The following SYT10 variants were observed in gnomAD, a reference collection of about 807,000 sequenced individuals.
SYT10 encodes the protein synaptotagmin 10.
A neutral mutation model predicts 51.1 loss-of-function variants in SYT10; 31 were observed. That is an observed-to-expected ratio of 0.61 (90% CI 0.46 to 0.82). The LOEUF (loss-of-function observed/expected upper bound fraction) is 0.82, where lower values mean the gene tolerates loss of function less well. Ranked by LOEUF, SYT10 falls within the 40% of genes least tolerant of loss-of-function variation. The pLI, the probability that SYT10 is intolerant of heterozygous loss-of-function variation, is 0.00. For synonymous variants in SYT10, 233 were observed against 225.9 expected (o/e 1.03, Z -0.28); for missense variants, 603 against 634.0 (o/e 0.95, Z 0.53).
intron 3 of SYT10, chr12:33,405,407 C>T (rs937872401): frequency 3.9e-5 from 6 of 152,058 alleles, no homozygotes; most frequent in Admixed American, 2.6e-4. Flanking sequence ...ATATAATCCC[C>T]TTTCAAAATT....
chr12:33,381,878 C>A (rs1178590389), intron 5 of SYT10, among the ~76,000 whole-genome samples: 1 of 152,170 alleles, frequency 6.6e-6, no homozygotes, highest in Non-Finnish European at 1.5e-5. Context: ...ACTTTCCACT[C>A]TTACTCCTCG....
intron 2 of SYT10, among the ~76,000 whole-genome samples, chr12:33,423,677 G>A (rs181011903): frequency 2.0e-5 from 3 of 152,200 alleles, no homozygotes; most frequent in Admixed American, 2.0e-4. Context: ...TGATGAACAG[G>A]AAGATGCTGT....
At chr12:33,438,151 TC>T (rs1439527455) in intron 1 of SYT10, among the ~76,000 whole-genome samples, 1 of 152,126 alleles carries the variant, frequency 6.6e-6, no homozygotes, top group Non-Finnish European at 1.5e-5. Context: ...TGGAGAGGAT[TC>T]ACTAAGTGTG....
intron 2 of SYT10, among the ~76,000 whole-genome samples, chr12:33,423,691 T>C (rs1866525037): frequency 6.6e-6 from 1 of 152,244 alleles, no homozygotes; most frequent in South Asian, 2.1e-4. Context: ...ATGCTGTTAT[T>C]CTCCAGCCTT....
At chr12:33,389,051 T>G (rs1386995715) in intron 3 of SYT10, among the ~76,000 whole-genome samples, 1 of 152,166 alleles carries the variant, frequency 6.6e-6, no homozygotes, top group Non-Finnish European at 1.5e-5. Context: ...GCTTAAAGAA[T>G]TAACCAGATG....
chr12:33,378,814 CTGTGTGTGTGTGTGTGTGTG>C (rs56373564), intron 6 of SYT10, among the ~76,000 whole-genome samples: 1 of 145,184 alleles, frequency 6.9e-6, no homozygotes, highest in Admixed American at 6.9e-5. Flanking sequence ...GACTGGGTAT[CTGTGTGTGTGTGTGTGTGTG>C]TGTGTGTGTG....
intron 2 of SYT10, among the ~76,000 whole-genome samples, chr12:33,416,193 G>A (rs897101996): frequency 5.1e-4 from 77 of 152,226 alleles, no homozygotes; most frequent in African/African-American, 1.8e-3. Context: ...CAATTCCCTT[G>A]CCTCAGCTTC....
Position 33,393,606 on chromosome 12 carries a change from C to T in SYT10, c.1078-8315G>A, listed in dbSNP as rs150221100. On this transcript the variant is annotated intron_variant, in intron 3 of 6. Coordinates refer to ENST00000228567, the MANE Select transcript of SYT10 (RefSeq NM_198992.4). ...TCTTCTCCACGTAATAGCCACAGAT[C>T]TTATTGATTCTAAGGGAGTCTATGG... is the stretch of plus-strand genomic sequence containing the variant. 1.9e-3 allele frequency among the ~76,000 whole-genome samples: 295 copies of T among 152,198 alleles called. 1 individual carries two copies. Among genetic ancestry groups the T allele is most frequent in the African/African-American group, 6.6e-3 (274 of 41,518 alleles).
chr12:33,392,359 G>T (rs1285653867), intron 3 of SYT10, among the ~76,000 whole-genome samples: 1 of 152,174 alleles, frequency 6.6e-6, no homozygotes, highest in Non-Finnish European at 1.5e-5. Flanking sequence ...ATCAGGAAAT[G>T]TAATTAACAT....
chr12:33,390,987 G>T (rs968295625), intron 3 of SYT10, among the ~76,000 whole-genome samples: 1 of 152,174 alleles, frequency 6.6e-6, no homozygotes. Flanking sequence ...TGCCCAGGCT[G>T]GAGTGCGGGC....
intron 2 of SYT10, among the ~76,000 whole-genome samples, chr12:33,417,092 A>T (rs1360119080): frequency 6.6e-6 from 1 of 152,178 alleles, no homozygotes; most frequent in Non-Finnish European, 1.5e-5. Flanking sequence ...AGAAGGTGAT[A>T]GAAGTTTGAA....
intron 3 of SYT10, among the ~76,000 whole-genome samples, chr12:33,391,990 A>G (rs1231586075): frequency 2.0e-5 from 3 of 152,216 alleles, no homozygotes; most frequent in Admixed American, 2.0e-4. Flanking sequence ...AATTTCCTAA[A>G]ATTGTGCAAG....
At chr12:33,416,574 T>G (rs1866455724) in intron 2 of SYT10, among the ~76,000 whole-genome samples, 1 of 152,150 alleles carries the variant, frequency 6.6e-6, no homozygotes, top group Non-Finnish European at 1.5e-5. Context: ...ACAATCTAAG[T>G]GTTTCTTCCA....
intron 3 of SYT10, among the ~76,000 whole-genome samples, chr12:33,402,300 T>C (rs1408877997): frequency 6.6e-6 from 1 of 152,236 alleles, no homozygotes; most frequent in Non-Finnish European, 1.5e-5. Flanking sequence ...ACTTTACTTT[T>C]CTGCCCTCTG....
chr12:33,383,338 T>C (rs1866132148), intron 4 of SYT10, among the ~76,000 whole-genome samples: 1 of 152,122 alleles, frequency 6.6e-6, no homozygotes, highest in African/African-American at 2.4e-5. Flanking sequence ...CACCAATATT[T>C]CTTTTTTCCT....
chr12:33,413,957 C>A (rs1332333793), intron 2 of SYT10, among the ~76,000 whole-genome samples: 1 of 152,204 alleles, frequency 6.6e-6, no homozygotes, highest in Admixed American at 6.5e-5. Flanking sequence ...TGCAGAGACA[C>A]ACATAGGCTC....
At chr12:33,427,612 A>G (rs2138434180) in intron 1 of SYT10, among the ~76,000 whole-genome samples, 1 of 152,304 alleles carries the variant, frequency 6.6e-6, no homozygotes, top group African/African-American at 2.4e-5. Flanking sequence ...TAAAACGAAA[A>G]TTATGCAAAC....
At position 33,429,473 on chromosome 12, in the gene SYT10, G is replaced by A. The variant is rs77261351; in HGVS notation, c.152-2978C>T. On this transcript the variant is annotated intron_variant, in intron 1 of 6. Coordinates refer to ENST00000228567, the MANE Select transcript of SYT10 (RefSeq NM_198992.4). ...CAGAATATACATTTCTTTCAAAATT[G>A]GAGACCAATAAAGTGATACTAGTCT... is the stretch of plus-strand genomic sequence containing the variant. Among the ~76,000 whole-genome samples the A allele has an allele frequency of 1.4e-3, 214 of 152,294 alleles. 1 individual carries two copies. Among genetic ancestry groups the A allele is most frequent in the African/African-American group, 5.0e-3 (206 of 41,576 alleles).
rs757340341 is a variant in SYT10, at chr12:33,426,248, G to A, written c.399C>T (p.Ile133=). 1.2e-6 allele frequency: 2 copies of A among 1,614,050 alleles called. No individual in the cohort carries two copies. Among genetic ancestry groups the A allele is most frequent in the Middle Eastern group, 1.6e-4 (1 of 6,084 alleles). Residue 133 remains isoleucine, a synonymous_variant, in exon 2 of 7, where the codon ATC becomes ATT. Coordinates refer to ENST00000228567, the MANE Select transcript of SYT10 (RefSeq NM_198992.4). The part of the protein sequence containing the change: ...AVKAIEPAIK[I]SHTSPDIPAE... ...CTGGGATGTCAGGGGAAGTGTGGCTGATTTTTATTGCAGGCTCAATAGCTT... is the reference window on the plus strand; with the variant it reads ...CTGGGATGTCAGGGGAAGTGTGGCTAATTTTTATTGCAGGCTCAATAGCTT...
Sources: gnomAD v4.1 joint callset for allele counts (sites outside exome capture counted in the v4.1 genomes callset) on GRCh38, gnomAD v4.1.1 for gene constraint, MANE v1.5 for transcripts, NCBI Gene and HGNC (gene_info 2026-07-23, HGNC 2026-07-21) for gene names.